The following PDE10A variants were observed in gnomAD, a reference collection of about 807,000 sequenced individuals.
The protein encoded by PDE10A is cAMP and cAMP-inhibited cGMP 3',5'-cyclic phosphodiesterase 10A.
In PDE10A, 39 loss-of-function variants were observed where a neutral mutation model predicts 97.7. The observed-to-expected ratio is 0.40, with a 90% confidence interval of 0.31 to 0.52. The LOEUF (loss-of-function observed/expected upper bound fraction) is 0.52, where lower values mean the gene tolerates loss of function less well. Ranked by LOEUF, PDE10A falls within the 20% of genes least tolerant of loss-of-function variation. PDE10A has a pLI of 0.56. For missense variants in PDE10A, 731 were observed against 1,047.8 expected (o/e 0.70, Z 4.17); for synonymous variants, 371 against 376.8 (o/e 0.98, Z 0.18).
chr6:165,407,259 G>C (rs557313629), intron 13 of PDE10A, among the ~76,000 whole-genome samples: 4 of 152,100 alleles, frequency 2.6e-5, no homozygotes, highest in Admixed American at 6.5e-5. Context: ...AGGGAAGAAC[G>C]ATGTCAGAGA....
intron 1 of PDE10A, among the ~76,000 whole-genome samples, chr6:165,709,105 C>T (rs1457622232): frequency 7.5e-6 from 1 of 133,610 alleles, no homozygotes; most frequent in African/African-American, 2.9e-5. Flanking sequence ...TGCTGCCGTG[C>T]TCTCCCCACA....
At chr6:165,530,267 ATATG>A (rs1371135701) in intron 2 of PDE10A, among the ~76,000 whole-genome samples, 5 of 56,942 alleles carry the variant, frequency 8.8e-5, no homozygotes, top group South Asian at 8.1e-4. Context: ...TCCTCTTTAT[ATATG>A]TGTGTGTGTG....
chr6:165,333,792 C>T (rs1242921941), intron 21 of PDE10A, among the ~76,000 whole-genome samples: 5 of 152,198 alleles, frequency 3.3e-5, no homozygotes, highest in East Asian at 1.9e-4. Flanking sequence ...TCTCTAACTG[C>T]GTGATCACAA....
chr6:165,337,083 C>T (rs2128176055), intron 20 of PDE10A, among the ~76,000 whole-genome samples: 2 of 152,184 alleles, frequency 1.3e-5, no homozygotes, highest in Middle Eastern at 6.8e-3. Flanking sequence ...TTTATCACAG[C>T]TCTTCCCATT....
intron 1 of PDE10A, among the ~76,000 whole-genome samples, chr6:165,792,263 C>T (rs1024321972): frequency 5.9e-5 from 9 of 152,164 alleles, no homozygotes; most frequent in South Asian, 2.1e-4. Context: ...GAGTCACCGT[C>T]GAGCAGAAGG....
At chr6:165,408,212 C>T (rs146774880) in intron 13 of PDE10A, among the ~76,000 whole-genome samples, 4 of 152,136 alleles carry the variant, frequency 2.6e-5, no homozygotes, top group Non-Finnish European at 2.9e-5. Flanking sequence ...ATGACAATAA[C>T]GGTCAACAAT....
At chr6:165,370,084 A>G (rs977097451) in intron 18 of PDE10A, among the ~76,000 whole-genome samples, 10 of 152,246 alleles carry the variant, frequency 6.6e-5, no homozygotes, top group African/African-American at 2.4e-4. Flanking sequence ...AGGAAGCACT[A>G]AACATGGAAA....
intron 1 of PDE10A, among the ~76,000 whole-genome samples, chr6:165,788,518 CAAAAAAAAAAAAAAAAA>C (rs56927613): frequency 6.7e-5 from 5 of 74,764 alleles, no homozygotes; most frequent in Non-Finnish European, 1.1e-4. Context: ...AACTCTGTCT[CAAAAAAAAAAAAAAAAA>C]AAAAGAAAAG....
chr6:165,503,285 G>A (rs941803576), intron 2 of PDE10A, among the ~76,000 whole-genome samples: 3 of 152,196 alleles, frequency 2.0e-5, no homozygotes, highest in Non-Finnish European at 4.4e-5. Context: ...ACTTCTCAAC[G>A]TGACTCATAT....
intron 1 of PDE10A, among the ~76,000 whole-genome samples, chr6:165,628,414 C>T (rs140431387): frequency 2.2e-4 from 33 of 152,020 alleles, no homozygotes; most frequent in African/African-American, 6.8e-4. Flanking sequence ...GGCAGTGACA[C>T]GATCACATAG....
intron 1 of PDE10A, among the ~76,000 whole-genome samples, chr6:165,693,928 A>T (rs1365246031): frequency 6.6e-6 from 1 of 152,186 alleles, no homozygotes; most frequent in Non-Finnish European, 1.5e-5. Flanking sequence ...TTTTCCAGTT[A>T]ATATGCAATG....
At chr6:165,411,329 C>A (rs1286661910) in intron 13 of PDE10A, among the ~76,000 whole-genome samples, 1 of 151,798 alleles carries the variant, frequency 6.6e-6, no homozygotes, top group African/African-American at 2.4e-5. Flanking sequence ...AGAGATAGGG[C>A]CTTTAAAGAG....
chr6:165,413,410 T>TA (rs1562441684), intron 13 of PDE10A, 91 bp downstream of exon 13: 11 of 718,868 alleles, frequency 1.5e-5, no homozygotes, highest in South Asian at 4.5e-5. Flanking sequence ...GAAATATAAA[T>TA]GAAAAAAAAA....
rs570729438 is a variant in PDE10A at position 165,488,620 on chromosome 6, C to T, written c.995-6277G>A. ...CAGACCCTTTGTAGGAGGTGGATTG[C>T]AGCTGCAGGCTCCATGAGACAGCCG... On this transcript the variant is annotated intron_variant, in intron 2 of 21. Coordinates refer to ENST00000539869, the MANE Select transcript of PDE10A (RefSeq NM_001385079.1). 4.1e-4 allele frequency among the ~76,000 whole-genome samples: 63 copies of T among 152,256 alleles called. 1 individual carries two copies. Among genetic ancestry groups the T allele is most frequent in the Non-Finnish European group, 8.4e-4 (57 of 68,028 alleles).
In PDE10A at chr6:165,943,307, G is replaced by GAAA. The variant is rs1384742785; in HGVS notation, c.-615+44221_-615+44222insTTT. Among the ~76,000 whole-genome samples the GAAA allele has an allele frequency of 5.6e-3, 590 of 105,916 alleles. 42 individuals carry two copies. The highest frequency in any genetic ancestry group is 6.3e-3 in the Non-Finnish European group (345 of 54,442). The allele number at this position is 105,916 out of a possible 152,430, so 69.5% of individuals were successfully genotyped here. A position where few individuals can be genotyped will look rare whatever the true frequency, so the allele number is the denominator to read the frequency against. ...AGAAAGAAAGAAGGAAAGAAAGAAA[G>GAAA]AAGGAAGGAAGGAAAGAAAGAAAAA... On this transcript the variant is annotated intron_variant, in intron 1 of 19. Transcript: ENST00000366882.
At chr6:165,390,063 A>G (rs1173717644) in intron 16 of PDE10A, among the ~76,000 whole-genome samples, 1 of 152,216 alleles carries the variant, frequency 6.6e-6, no homozygotes, top group Non-Finnish European at 1.5e-5. Context: ...TCACAATCAC[A>G]ATTTTTATTT....
At position 165,671,558 on chromosome 6, in the gene PDE10A, A is replaced by T. The variant is rs923348212; in HGVS notation, c.-614-127990T>A. Among the ~76,000 whole-genome samples the T allele has an allele frequency of 6.6e-6, 1 of 152,124 alleles. No individual in the cohort carries two copies. The highest frequency in any genetic ancestry group is 6.6e-5 in the Admixed American group (1 of 15,262). ...CCATGACTGTGTTCAGCATGACTGC[A>T]CTCAAAGGACCCAATTAATTCACTT... is the stretch of plus-strand genomic sequence containing the variant. On this transcript the variant is annotated intron_variant, in intron 1 of 19. Transcript: ENST00000366882. The surrounding 1 kb of genome is among the most constrained non-coding windows in gnomAD (Gnocchi z 4.6).
rs559276064 is a variant in PDE10A at position 165,764,198 on chromosome 6, A to G, written c.-614-220630T>C. 2.1e-3 allele frequency among the ~76,000 whole-genome samples: 324 copies of G among 152,332 alleles called. 1 individual carries two copies. The highest frequency in any genetic ancestry group is 3.7e-3 in the Non-Finnish European group (255 of 68,040). ...CTGGGGCCTGAGTCCACGCTCTGACACTTGGCTATTGCTCTTGGGTGTGTT... is the reference window on the plus strand; with the variant it reads ...CTGGGGCCTGAGTCCACGCTCTGACGCTTGGCTATTGCTCTTGGGTGTGTT... On this transcript the variant is annotated intron_variant, in intron 1 of 19. Coordinates refer to the PDE10A transcript ENST00000366882.
chr6:165,772,609 G>A (rs950839571), intron 1 of PDE10A, among the ~76,000 whole-genome samples: 1 of 152,144 alleles, frequency 6.6e-6, no homozygotes, highest in African/African-American at 2.4e-5. Flanking sequence ...GACCTCCGGG[G>A]CCCTTCCGAA....
Sources: gnomAD v4.1 joint callset for allele counts (sites outside exome capture counted in the v4.1 genomes callset) on GRCh38, gnomAD v4.1.1 for gene constraint, Gnocchi (gnomAD v3.1) non-coding constraint, MANE v1.5 for transcripts, NCBI Gene and HGNC (gene_info 2026-07-23, HGNC 2026-07-21) for gene names.